MCCC2: variants seen among roughly 807,000 people sequenced by gnomAD.
MCCC2 encodes the protein methylcrotonoyl-CoA carboxylase beta chain, mitochondrial.
MCCC2 carries 52 observed loss-of-function variants against 77.2 expected under a neutral mutation model. The observed-to-expected ratio is 0.67, with a 90% CI of 0.54 to 0.85. The LOEUF is 0.85. Among genes scored for constraint, MCCC2 ranks in the 40% least tolerant of loss-of-function variants. The pLI, the probability that MCCC2 is intolerant of heterozygous loss-of-function variation, is 0.00. For missense variants in MCCC2, 682 were observed against 703.2 expected, an observed-to-expected ratio of 0.97 and a Z score of 0.34; for synonymous variants, 253 against 248.4, an observed-to-expected ratio of 1.02 and a Z score of -0.18.
intron 10 of MCCC2, among the ~76,000 whole-genome samples, chr5:71,638,311 T>G (rs1269766413): frequency 6.6e-6 from 1 of 152,214 alleles, no homozygotes; most frequent in Non-Finnish European, 1.5e-5. Context: ...CTTGAACCCC[T>G]CAAAGTTACC....
At chr5:71,610,783 G>A (rs1164769083) in intron 6 of MCCC2, among the ~76,000 whole-genome samples, 2 of 152,072 alleles carry the variant, frequency 1.3e-5, no homozygotes, top group Non-Finnish European at 1.5e-5. Flanking sequence ...TCAGGAGATC[G>A]AGACTATCCT....
chr5:71,599,225 C>G (rs545708088), intron 3 of MCCC2, among the ~76,000 whole-genome samples: 1 of 152,188 alleles, frequency 6.6e-6, no homozygotes, highest in East Asian at 2.0e-4. Context: ...AAAAAATTAG[C>G]TGGTTGTGGT....
chr5:71,646,771 C>G (rs978674294), intron 13 of MCCC2, among the ~76,000 whole-genome samples: 2 of 152,174 alleles, frequency 1.3e-5, no homozygotes, highest in Non-Finnish European at 2.9e-5. Context: ...AGCCACACAC[C>G]CAGAAAGCAG....
intron 8 of MCCC2, among the ~76,000 whole-genome samples, chr5:71,633,470 C>G (rs910812827): frequency 6.6e-6 from 1 of 151,898 alleles, no homozygotes; most frequent in African/African-American, 2.4e-5. Context: ...ACAGCATCTA[C>G]TACATATAAC....
At chr5:71,632,239 G>T in intron 8 of MCCC2, 54 bp downstream of exon 8, 1 of 1,579,984 alleles carries the variant, frequency 6.3e-7, no homozygotes, top group Non-Finnish European at 8.7e-7. Flanking sequence ...TTGTTTGTTT[G>T]TTTAAAAGAA....
At chr5:71,642,301 G>C (rs1190751616) in intron 11 of MCCC2, among the ~76,000 whole-genome samples, 1 of 152,120 alleles carries the variant, frequency 6.6e-6, no homozygotes, top group African/African-American at 2.4e-5. Context: ...AAGGTGGGAG[G>C]CATAAAGGGT....
At chr5:71,645,032 A>G (rs1424394081) in intron 12 of MCCC2, among the ~76,000 whole-genome samples, 1 of 152,170 alleles carries the variant, frequency 6.6e-6, no homozygotes, top group Non-Finnish European at 1.5e-5. Context: ...TTAATAGTAT[A>G]TAGACAGTAT....
intron 2 of MCCC2, among the ~76,000 whole-genome samples, chr5:71,594,767 T>C (rs1161223989): frequency 6.6e-6 from 1 of 152,158 alleles, no homozygotes. Context: ...TTATGTGCTC[T>C]GTGAGCCTGC....
intron 15 of MCCC2, 87 bp downstream of exon 15, chr5:71,650,270 T>C: frequency 1.8e-6 from 2 of 1,098,148 alleles, no homozygotes; most frequent in Non-Finnish European, 2.8e-6. Flanking sequence ...CTGGAAGCCC[T>C]TGGTGTTCAT....
intron 6 of MCCC2, among the ~76,000 whole-genome samples, chr5:71,607,799 G>C (rs1448206398): frequency 6.7e-6 from 1 of 149,254 alleles, no homozygotes; most frequent in Admixed American, 6.7e-5. Flanking sequence ...TGGTTTCAAA[G>C]AACATCTTTA....
At position 71,599,890 on chromosome 5, in the gene MCCC2, G is replaced by A. The variant is rs972853531; in HGVS notation, c.383+130G>A. On this transcript the variant is annotated intron_variant, in intron 4 of 16. Transcript: ENST00000340941. ...ATTTATATTATGTAGGACTGGCTGGGTGTGGTGGCTCACGCCTGTAATCCC... is the reference window on the plus strand; with the variant it reads ...ATTTATATTATGTAGGACTGGCTGGATGTGGTGGCTCACGCCTGTAATCCC... 10 of 796,070 alleles carry A rather than the reference G, an allele frequency of 1.3e-5. No homozygotes were observed. The East Asian group carries it at 2.7e-4, about 22-fold the overall frequency. The allele number at this position is 796,070 out of a possible 1,614,324, so 49.3% of individuals were successfully genotyped here.
intron 6 of MCCC2, among the ~76,000 whole-genome samples, chr5:71,610,293 C>T (rs993099581): frequency 6.6e-6 from 1 of 152,132 alleles, no homozygotes; most frequent in Non-Finnish European, 1.5e-5. Context: ...TAAGCTGGTC[C>T]GAAAAGCGCA....
chr5:71,604,553 G>T, intron 6 of MCCC2, 85 bp downstream of exon 6: 14 of 965,014 alleles, frequency 1.5e-5, no homozygotes, highest in African/African-American at 3.2e-5. Flanking sequence ...TGGCTTGAAA[G>T]TAAAACAGAA....
Position 71,656,938 on chromosome 5 carries a change from G to A in MCCC2, c.*78G>A, listed in dbSNP as rs1197373817. 6.5e-6 allele frequency: 7 copies of A among 1,070,338 alleles called. No homozygotes were observed. The highest frequency in any genetic ancestry group is 1.3e-5 in the South Asian group (1 of 79,702). The allele number at this position is 1,070,338 out of a possible 1,614,324, so 66.3% of individuals were successfully genotyped here. ...GTAGCCTTAAAATTTTAGACTTCTCGAACATGAGGCTGTTACAGTAATTTT... is the reference window on the plus strand; with the variant it reads ...GTAGCCTTAAAATTTTAGACTTCTCAAACATGAGGCTGTTACAGTAATTTT... On this transcript the variant is annotated 3_prime_UTR_variant, in exon 17 of 17. Coordinates refer to ENST00000340941, the MANE Select transcript of MCCC2 (RefSeq NM_022132.5).
intron 6 of MCCC2, among the ~76,000 whole-genome samples, chr5:71,613,944 C>T (rs977544335): frequency 4.0e-5 from 6 of 150,116 alleles, no homozygotes; most frequent in Non-Finnish European, 5.9e-5. Flanking sequence ...TTTTTAAATT[C>T]CAAGAGGTTC....
At chr5:71,592,526 C>A (rs1468549640) in intron 1 of MCCC2, among the ~76,000 whole-genome samples, 1 of 152,128 alleles carries the variant, frequency 6.6e-6, no homozygotes, top group African/African-American at 2.4e-5. Context: ...AGATGGTATT[C>A]TAACCTTCAA....
intron 2 of MCCC2, among the ~76,000 whole-genome samples, chr5:71,595,405 G>A (rs1745142488): frequency 7.0e-6 from 1 of 142,632 alleles, no homozygotes; most frequent in Non-Finnish European, 1.5e-5. Flanking sequence ...CTCCAGCCTG[G>A]GTGACAGAGT....
chr5:71,644,033 ATG>A (rs61210707), intron 12 of MCCC2, 138 bp downstream of exon 12: 12,777 of 555,756 alleles, frequency 0.023, 31 homozygotes, highest in Middle Eastern at 0.031. Context: ...GTGCGCGGGC[ATG>A]TGTGTGTGTG....
chr5:71,631,572 G>A (rs1222330079), intron 7 of MCCC2, among the ~76,000 whole-genome samples: 1 of 140,270 alleles, frequency 7.1e-6, no homozygotes, highest in Non-Finnish European at 1.5e-5. Context: ...ACGGAGTCTC[G>A]CTCTGTCGCC....
Sources: gnomAD v4.1 joint callset for allele counts (sites outside exome capture counted in the v4.1 genomes callset) on GRCh38, gnomAD v4.1.1 for gene constraint, MANE v1.5 for transcripts, NCBI Gene and HGNC (gene_info 2026-07-23, HGNC 2026-07-21) for gene names.